The following SAMD12 variants were observed in gnomAD, a reference collection of about 807,000 sequenced individuals.
SAMD12 encodes the protein sterile alpha motif domain-containing protein 12.
Under a neutral mutation model 15.0 loss-of-function variants are expected in SAMD12, and 9 were observed. The ratio of observed to expected loss-of-function variants is 0.60; its 90% CI spans 0.36 to 1.05. The LOEUF is 1.05. Among genes scored for constraint, SAMD12 ranks in the 50% least tolerant of loss-of-function variants. SAMD12 has a pLI of 0.01. For synonymous variants in SAMD12, 86 were observed against 90.1 expected (o/e 0.96, Z 0.25); for missense variants, 230 against 234.2 (o/e 0.98, Z 0.12).
the SAMD12 span, among the ~76,000 whole-genome samples, chr8:118,176,915 G>A: frequency 6.6e-6 from 1 of 152,094 alleles, no homozygotes; most frequent in Admixed American, 6.5e-5. Flanking sequence ...TTTTGTTACT[G>A]TCTGTTTGTG....
intron 4 of SAMD12, among the ~76,000 whole-genome samples, chr8:118,273,899 A>G (rs1304861606): frequency 6.6e-6 from 1 of 152,190 alleles, no homozygotes; most frequent in African/African-American, 2.4e-5. Flanking sequence ...AAAACAAGCA[A>G]GGCCTGGATC....
At chr8:118,261,081 G>A (rs554311667) in intron 4 of SAMD12, among the ~76,000 whole-genome samples, 1 of 152,186 alleles carries the variant, frequency 6.6e-6, no homozygotes, top group African/African-American at 2.4e-5. Context: ...AGTGAATACA[G>A]ATGTTACAAT....
chr8:118,248,720 T>C (rs961603246), intron 4 of SAMD12, among the ~76,000 whole-genome samples: 3 of 152,028 alleles, frequency 2.0e-5, no homozygotes, highest in Non-Finnish European at 2.9e-5. Context: ...CAGCACTAAC[T>C]GACAAAAAGC....
chr8:118,620,596 G>T (rs1828372279), intron 1 of SAMD12, among the ~76,000 whole-genome samples: 2 of 152,094 alleles, frequency 1.3e-5, no homozygotes, highest in East Asian at 3.9e-4. Context: ...CCGAGTTTAT[G>T]GGTGCTGAGT....
chr8:118,471,095 A>C (rs1218683858), intron 2 of SAMD12, among the ~76,000 whole-genome samples: 1 of 152,222 alleles, frequency 6.6e-6, no homozygotes, highest in African/African-American at 2.4e-5. Flanking sequence ...TCTCAAATGA[A>C]ATTGCTAATT....
intron 4 of SAMD12, among the ~76,000 whole-genome samples, chr8:118,241,757 A>G (rs552782435): frequency 1.3e-5 from 2 of 152,310 alleles, no homozygotes; most frequent in African/African-American, 4.8e-5. Flanking sequence ...ATCAAATGGT[A>G]TGGTATCAAC....
chr8:118,355,456 A>G (rs745558768), intron 4 of SAMD12, among the ~76,000 whole-genome samples: 4 of 152,174 alleles, frequency 2.6e-5, no homozygotes, highest in Non-Finnish European at 5.9e-5. Context: ...AATCTCACAA[A>G]TAACTACTAA....
intron 1 of SAMD12, among the ~76,000 whole-genome samples, chr8:118,617,270 G>A (rs1329492313): frequency 2.0e-5 from 3 of 152,228 alleles, no homozygotes; most frequent in Non-Finnish European, 2.9e-5. Flanking sequence ...AGTGTTTACC[G>A]TGACTGCTTC....
intron 4 of SAMD12, among the ~76,000 whole-genome samples, chr8:118,339,728 C>T (rs894679532): frequency 6.6e-6 from 1 of 152,220 alleles, no homozygotes. Context: ...TGGGTCAGTC[C>T]TCTCTTTCTC....
At chr8:118,460,414 C>T (rs1432481583) in intron 2 of SAMD12, among the ~76,000 whole-genome samples, 1 of 152,080 alleles carries the variant, frequency 6.6e-6, no homozygotes, top group African/African-American at 2.4e-5. Flanking sequence ...CTTAGAGTCT[C>T]AGAGAGACAG....
chr8:118,414,758 G>A (rs945258567), intron 3 of SAMD12, among the ~76,000 whole-genome samples: 2 of 152,146 alleles, frequency 1.3e-5, no homozygotes, highest in Non-Finnish European at 2.9e-5. Context: ...TATCCGCAAA[G>A]AATTTTCTAA....
At chr8:118,379,836 A>G in intron 3 of SAMD12, 136 bp from the exon 4 acceptor site, 3 of 1,085,904 alleles carry the variant, frequency 2.8e-6, no homozygotes, top group Non-Finnish European at 3.9e-6. Flanking sequence ...AAGGTCTTCC[A>G]TTATTATTGC....
intron 3 of SAMD12, among the ~76,000 whole-genome samples, chr8:118,391,488 C>T (rs1195386260): frequency 1.3e-5 from 2 of 152,178 alleles, no homozygotes. Flanking sequence ...TAACAAGCAT[C>T]TTCTTGCCCC....
At position 118,530,977 on chromosome 8, in the gene SAMD12, G is replaced by A. The variant is rs572857292; in HGVS notation, c.192+49738C>T. 3.3e-5 allele frequency among the ~76,000 whole-genome samples: 5 copies of A among 152,318 alleles called. No individual in the cohort carries two copies. The South Asian group carries it at 1.0e-3, about 32-fold the overall frequency. ...TGCCTCAGGTTCCCAAGTAGCTAGG[G>A]CTACAGGCACATGCCACTACATGCC... On this transcript the variant is annotated intron_variant, in intron 2 of 3. Transcript: ENST00000314727.
At chr8:118,356,479 G>T (rs17828843) in intron 4 of SAMD12, among the ~76,000 whole-genome samples, 1 of 151,854 alleles carries the variant, frequency 6.6e-6, no homozygotes, top group Non-Finnish European at 1.5e-5. Flanking sequence ...ATATATAAAC[G>T]CCCACCTGCA....
chr8:118,614,988 T>C (rs1365722747), intron 1 of SAMD12, among the ~76,000 whole-genome samples: 1 of 152,140 alleles, frequency 6.6e-6, no homozygotes, highest in African/African-American at 2.4e-5. Flanking sequence ...AAAAGGACCA[T>C]ATGCAAGATC....
chr8:118,544,183 G>T (rs1223494866), intron 2 of SAMD12, among the ~76,000 whole-genome samples: 1 of 152,044 alleles, frequency 6.6e-6, no homozygotes, highest in African/African-American at 2.4e-5. Context: ...ATCATCATTT[G>T]TGTTCTAAGT....
the SAMD12 span, among the ~76,000 whole-genome samples, chr8:118,133,260 C>T: frequency 6.6e-6 from 1 of 151,288 alleles, no homozygotes; most frequent in Non-Finnish European, 1.5e-5. Context: ...ATGATATTTC[C>T]CCTTTCTCTT....
At chr8:118,505,677 C>G (rs1427180011) in intron 2 of SAMD12, among the ~76,000 whole-genome samples, 1 of 151,600 alleles carries the variant, frequency 6.6e-6, no homozygotes, top group Admixed American at 6.6e-5. Flanking sequence ...TCACGCATTA[C>G]ATACTCTGGG....
Sources: allele counts gnomAD v4.1 joint callset (sites outside exome capture counted in the v4.1 genomes callset), GRCh38; gene constraint gnomAD v4.1.1; transcripts MANE v1.5; gene names NCBI Gene and HGNC (gene_info 2026-07-23, HGNC 2026-07-21).